The following BCHE variants were observed in gnomAD, a reference collection of about 807,000 sequenced individuals.
BCHE encodes cholinesterase.
In BCHE, 48 loss-of-function variants were observed where a neutral mutation model predicts 51.3. That is an observed-to-expected ratio of 0.94 (90% CI 0.74 to 1.19). The LOEUF is 1.19. Ranked by LOEUF, BCHE falls within the 50% of genes most tolerant of loss-of-function variation. The pLI is 0.00. For missense variants in BCHE, 847 were observed against 708.2 expected (o/e 1.20, Z -2.23); for synonymous variants, 251 against 238.0 (o/e 1.05, Z -0.50).
chr3:165,812,701 G>A (rs1463736440), intron 2 of BCHE, among the ~76,000 whole-genome samples: 2 of 151,790 alleles, frequency 1.3e-5, no homozygotes, highest in Non-Finnish European at 2.9e-5. Flanking sequence ...ATTTACTTGG[G>A]CTGTATTTTA....
At chr3:165,800,590 A>ACT (rs564029730) in intron 2 of BCHE, among the ~76,000 whole-genome samples, 1 of 151,942 alleles carries the variant, frequency 6.6e-6, no homozygotes, top group East Asian at 1.9e-4. Flanking sequence ...CACTACTGCT[A>ACT]CTCTCTCTCT....
intron 2 of BCHE, 115 bp downstream of exon 2, chr3:165,829,402 C>G: frequency 1.0e-6 from 1 of 962,934 alleles, no homozygotes; most frequent in South Asian, 1.4e-5. Flanking sequence ...ACAAATAGAA[C>G]AAATAATTAA....
chr3:165,829,507 C>T lies in BCHE; in HGVS notation c.1517+10G>A. ...CAAGCCAGAGAACAATGACAAAAAT[C>T]AGCACTTACCCATATTTTGCAAAAT... On this transcript the variant is annotated intron_variant, in intron 2 of 3. Transcript: ENST00000264381. The T allele has an allele frequency of 6.2e-7, 1 of 1,606,488 alleles. No individual in the cohort carries two copies. Among genetic ancestry groups the T allele is most frequent in the Non-Finnish European group, 8.5e-7 (1 of 1,173,300 alleles).
intron 2 of BCHE, among the ~76,000 whole-genome samples, chr3:165,800,431 G>T (rs1713592597): frequency 6.6e-6 from 1 of 151,928 alleles, no homozygotes; most frequent in Non-Finnish European, 1.5e-5. Context: ...TTTTCTCAAA[G>T]AGAAATATGT....
chr3:165,816,463 T>A (rs1429677149), intron 2 of BCHE, among the ~76,000 whole-genome samples: 1 of 151,732 alleles, frequency 6.6e-6, no homozygotes, highest in African/African-American at 2.4e-5. Context: ...TGAGTTGACT[T>A]CCCTGATCCA....
intron 2 of BCHE, among the ~76,000 whole-genome samples, chr3:165,788,352 T>A (rs1713040721): frequency 6.6e-6 from 1 of 152,102 alleles, no homozygotes; most frequent in South Asian, 2.1e-4. Flanking sequence ...ATGGAGGAAT[T>A]GGATAATTTA....
At chr3:165,826,290 A>G (rs959350698) in intron 2 of BCHE, among the ~76,000 whole-genome samples, 3 of 152,182 alleles carry the variant, frequency 2.0e-5, no homozygotes, top group Non-Finnish European at 2.9e-5. Context: ...ACAATCATCC[A>G]TAGGAAATAG....
chr3:165,794,899 T>C (rs963029123), intron 2 of BCHE, among the ~76,000 whole-genome samples: 1 of 152,104 alleles, frequency 6.6e-6, no homozygotes, highest in Non-Finnish European at 1.5e-5. Context: ...ACTGTAACAA[T>C]GCCAAATTAT....
chr3:165,777,269 T>C (rs1712507561), intron 3 of BCHE, among the ~76,000 whole-genome samples: 1 of 151,918 alleles, frequency 6.6e-6, no homozygotes, highest in African/African-American at 2.4e-5. Context: ...CATATAACTA[T>C]GTAGTAAGAA....
Position 165,773,419 on chromosome 3 carries a change from T to A in BCHE, c.1772A>T (p.Asp591Val). 2 of 1,610,992 alleles carry A rather than the reference T, an allele frequency of 1.2e-6. No individual in the cohort carries two copies. Among genetic ancestry groups the A allele is most frequent in the Non-Finnish European group, 1.7e-6 (2 of 1,177,628 alleles). ...ACAACTTTCTTTCTTGCTAGTGTAATCGTTAAATTGATTTTTCCAGTCCAT... is the reference window on the plus strand; with the variant it reads ...ACAACTTTCTTTCTTGCTAGTGTAAACGTTAAATTGATTTTTCCAGTCCAT... Reference protein sequence around the residue: ...YMMDWKNQFNDYTSKKESCVG... With the variant: ...YMMDWKNQFNVYTSKKESCVG... Residue 591 changes from aspartate to valine, a missense_variant, in exon 4 of 4, where the codon GAT (aspartate) becomes GTT (valine). Asp to Val is a radical substitution (Grantham distance 152). Transcript: ENST00000264381.
chr3:165,831,097 C>T, intron 1 of BCHE, 56 bp from the exon 2 acceptor site: 2 of 1,410,920 alleles, frequency 1.4e-6, no homozygotes, highest in Non-Finnish European at 1.9e-6. Context: ...GCATATTATA[C>T]TTTATTGATG....
At chr3:165,829,025 T>C (rs1447165031) in intron 2 of BCHE, among the ~76,000 whole-genome samples, 1 of 152,090 alleles carries the variant, frequency 6.6e-6, no homozygotes, top group Non-Finnish European at 1.5e-5. Flanking sequence ...ATGTATATTT[T>C]GGGTAAACTG....
intron 2 of BCHE, among the ~76,000 whole-genome samples, chr3:165,790,072 G>A (rs917162585): frequency 6.6e-6 from 1 of 151,934 alleles, no homozygotes; most frequent in African/African-American, 2.4e-5. Flanking sequence ...TGTGTGTGAG[G>A]GGGGGATGGT....
At chr3:165,806,913 T>C (rs562988650) in intron 2 of BCHE, among the ~76,000 whole-genome samples, 1 of 152,038 alleles carries the variant, frequency 6.6e-6, no homozygotes, top group Non-Finnish European at 1.5e-5. Flanking sequence ...TATAATCTTA[T>C]AGAAACAATT....
intron 2 of BCHE, among the ~76,000 whole-genome samples, chr3:165,798,970 A>G (rs895148272): frequency 4.6e-5 from 7 of 152,208 alleles, no homozygotes; most frequent in African/African-American, 1.7e-4. Flanking sequence ...CAATGATAGA[A>G]TTACAAATAA....
intron 1 of BCHE, among the ~76,000 whole-genome samples, chr3:165,834,881 G>A (rs1715136204): frequency 6.6e-6 from 1 of 151,682 alleles, no homozygotes; most frequent in Non-Finnish European, 1.5e-5. Flanking sequence ...GGTGCAATTG[G>A]ATACTGTCTC....
intron 2 of BCHE, chr3:165,828,066 A>G (rs1436347987): frequency 2.2e-6 from 1 of 456,026 alleles, no homozygotes; most frequent in Non-Finnish European, 4.4e-6. Context: ...TTGAGGAAGA[A>G]CAGCTTACAA....
At chr3:165,816,570 C>G (rs989712350) in intron 2 of BCHE, among the ~76,000 whole-genome samples, 3 of 151,922 alleles carry the variant, frequency 2.0e-5, no homozygotes, top group African/African-American at 7.2e-5. Context: ...GTTTTAGTTC[C>G]CACCATCCCA....
intron 2 of BCHE, among the ~76,000 whole-genome samples, chr3:165,797,262 CT>C (rs376775669): frequency 1.8e-3 from 2 of 1,130 alleles, no homozygotes; most frequent in Non-Finnish European, 4.5e-3. Context: ...CCCTCCTTCC[CT>C]TCCTTCCTTC....
Sources: gnomAD v4.1 joint callset for allele counts (sites outside exome capture counted in the v4.1 genomes callset) on GRCh38, gnomAD v4.1.1 for gene constraint, MANE v1.5 for transcripts, NCBI Gene and HGNC (gene_info 2026-07-23, HGNC 2026-07-21) for gene names.